SMG7: variants seen among roughly 807,000 people sequenced by gnomAD.
SMG7 encodes the protein SMG7 nonsense mediated mRNA decay factor, also known as nonsense-mediated mRNA decay factor SMG7.
SMG7 carries 34 observed loss-of-function variants against 148.2 expected under a neutral mutation model. That is an observed-to-expected ratio of 0.23 (90% CI 0.17 to 0.31). SMG7 has a LOEUF of 0.31. Ranked by LOEUF, SMG7 falls within the 10% of genes least tolerant of loss-of-function variation. The probability of loss-of-function intolerance (pLI) is 1.00; values close to 1 mark genes in which losing one functional copy is unlikely to be tolerated. For missense variants in SMG7, 1,114 were observed against 1,408.4 expected, an observed-to-expected ratio of 0.79 and a Z score of 3.35; for synonymous variants, 492 against 515.1, an observed-to-expected ratio of 0.96 and a Z score of 0.61.
At chr1:183,499,535 G>A (rs186281938) in intron 1 of SMG7, among the ~76,000 whole-genome samples, 70 of 152,242 alleles carry the variant, frequency 4.6e-4, no homozygotes, top group Admixed American at 4.5e-3. Flanking sequence ...TGCCATCTGT[G>A]TATCTTCTTT....
At chr1:183,487,188 C>A (rs539779306) in intron 1 of SMG7, among the ~76,000 whole-genome samples, 1 of 152,092 alleles carries the variant, frequency 6.6e-6, no homozygotes, top group Non-Finnish European at 1.5e-5. Flanking sequence ...GGTGCCATTC[C>A]TTCTAGAGTG....
At position 183,552,195 on chromosome 1, in the gene SMG7, T is replaced by G. The variant is rs1298889387; in HGVS notation, c.*264T>G. On this transcript the variant is annotated 3_prime_UTR_variant, in exon 23 of 23. Coordinates refer to ENST00000688051, the MANE Select transcript of SMG7 (RefSeq NM_001375584.1). ...ACTGCTGTTTATCTCACTCAGTTAC[T>G]TGGTATCACCGCCTCTCACCTTCTC... The G allele has an allele frequency of 1.3e-5, 14 of 1,113,366 alleles. No individual in the cohort carries two copies. The South Asian group carries it at 4.2e-4, about 34-fold the overall frequency. The allele number at this position is 1,113,366 out of a possible 1,614,324, so 69.0% of individuals were successfully genotyped here.
At chr1:183,533,384 T>G in intron 9 of SMG7, 58 bp downstream of exon 9, 1 of 1,525,234 alleles carries the variant, frequency 6.6e-7, no homozygotes, top group African/African-American at 1.4e-5. Flanking sequence ...ATCTTAGGCA[T>G]TTCATCGATG....
At chr1:183,482,894 T>A (rs904210214) in intron 1 of SMG7, among the ~76,000 whole-genome samples, 1 of 152,080 alleles carries the variant, frequency 6.6e-6, no homozygotes, top group Non-Finnish European at 1.5e-5. Flanking sequence ...CACCTTGAGA[T>A]AAGGAGGTAG....
chr1:183,475,229 G>A lies in SMG7; in HGVS notation c.29+2580G>A, dbSNP rs142208731. Among the ~76,000 whole-genome samples the A allele has an allele frequency of 1.1e-4, 17 of 152,252 alleles. No individual in the cohort carries two copies. The East Asian group carries it at 2.9e-3, about 26-fold the overall frequency. Reference sequence around the variant, plus strand: ...TGAGGGTACACTGGTGAATAAAAGGGTGAACATGGGAGGATATATTATAGT... The same window carrying A: ...TGAGGGTACACTGGTGAATAAAAGGATGAACATGGGAGGATATATTATAGT... On this transcript the variant is annotated intron_variant, in intron 1 of 22. Coordinates refer to ENST00000688051, the MANE Select transcript of SMG7 (RefSeq NM_001375584.1).
intron 1 of SMG7, among the ~76,000 whole-genome samples, chr1:183,489,985 C>G (rs1053250732): frequency 6.6e-6 from 1 of 152,184 alleles, no homozygotes; most frequent in African/African-American, 2.4e-5. Flanking sequence ...TTTTGAGCCC[C>G]ATCTCAGACC....
chr1:183,515,722 A>G, intron 2 of SMG7, 152 bp from the exon 3 acceptor site: 3 of 409,022 alleles, frequency 7.3e-6, no homozygotes, highest in African/African-American at 6.1e-5. Context: ...TTTGAAATAT[A>G]GTAGTATAAA....
chr1:183,472,607 G>A lies in SMG7; in HGVS notation c.-14G>A, dbSNP rs1446768127. ...CGGAGGCTTCGCGGGAAGACGCGGC[G>A]GCGGCGGCGGAGGATGAGCCTGCAG... On this transcript the variant is annotated 5_prime_UTR_variant, in exon 1 of 23. Coordinates refer to ENST00000688051, the MANE Select transcript of SMG7 (RefSeq NM_001375584.1). The A allele has an allele frequency of 3.5e-6, 5 of 1,444,614 alleles. No individual in the cohort carries two copies. The East Asian group carries it at 1.1e-4, about 32-fold the overall frequency. The allele number at this position is 1,444,614 out of a possible 1,614,324, so 89.5% of individuals were successfully genotyped here. A position where few individuals can be genotyped will look rare whatever the true frequency, so the allele number is the denominator to read the frequency against.
chr1:183,500,640 G>A (rs1659518045), intron 1 of SMG7, among the ~76,000 whole-genome samples: 1 of 152,086 alleles, frequency 6.6e-6, no homozygotes, highest in East Asian at 1.9e-4. Context: ...ATAGATGTGG[G>A]CATTAAGATG....
intron 19 of SMG7, 75 bp from the exon 20 acceptor site, chr1:183,549,689 C>T (rs897261841): frequency 8.3e-6 from 10 of 1,200,326 alleles, no homozygotes; most frequent in Non-Finnish European, 1.1e-5. Flanking sequence ...ACCAAGCATC[C>T]ATGAACAAGA....
At chr1:183,550,670 T>A in intron 20 of SMG7, 81 bp from the exon 21 acceptor site, 1 of 1,347,912 alleles carries the variant, frequency 7.4e-7, no homozygotes, top group Non-Finnish European at 1.0e-6. Flanking sequence ...ATTTTAGTGA[T>A]CAGATCTACA....
rs543613206 is a variant in SMG7, at chr1:183,536,210, A to T, written c.1164-935A>T. Among the ~76,000 whole-genome samples the T allele has an allele frequency of 9.2e-5, 14 of 152,238 alleles. No individual in the cohort carries two copies. The South Asian group carries it at 2.9e-3, about 31-fold the overall frequency. ...GTGATTAGACAGATGAGTCTACTGT[A>T]GGAAAATCAAAGTAATTGTTTCCAG... On this transcript the variant is annotated intron_variant, in intron 10 of 22. Coordinates refer to ENST00000688051, the MANE Select transcript of SMG7 (RefSeq NM_001375584.1).
intron 12 of SMG7, 138 bp downstream of exon 12, chr1:183,538,578 A>G (rs1304571509): frequency 1.0e-5 from 7 of 677,810 alleles, no homozygotes; most frequent in Non-Finnish European, 1.9e-5. Flanking sequence ...TAATACTGAA[A>G]GTTGTTGTGA....
intron 21 of SMG7, 36 bp downstream of exon 21, chr1:183,550,957 A>T: frequency 6.2e-7 from 1 of 1,613,934 alleles, no homozygotes; most frequent in Non-Finnish European, 8.5e-7. Flanking sequence ...CAAAATTGAA[A>T]GAATTTACTC....
intron 1 of SMG7, chr1:183,502,275 T>C: frequency 6.5e-7 from 1 of 1,533,274 alleles, no homozygotes; most frequent in Non-Finnish European, 8.7e-7. Flanking sequence ...CATTCTACCT[T>C]ATGAGAAATT....
intron 4 of SMG7, among the ~76,000 whole-genome samples, chr1:183,523,301 G>A (rs987646736): frequency 2.0e-5 from 3 of 152,186 alleles, no homozygotes; most frequent in African/African-American, 7.2e-5. Flanking sequence ...AACTGTTCTA[G>A]TACTGCTCTA....
At chr1:183,510,031 G>A (rs187483575) in intron 1 of SMG7, among the ~76,000 whole-genome samples, 43 of 152,252 alleles carry the variant, frequency 2.8e-4, no homozygotes, top group African/African-American at 1.0e-3. Flanking sequence ...GTGGATGTTA[G>A]CATACTGAAA....
chr1:183,506,158 C>T (rs193036655), intron 1 of SMG7, among the ~76,000 whole-genome samples: 108 of 152,288 alleles, frequency 7.1e-4, no homozygotes, highest in African/African-American at 2.5e-3. Flanking sequence ...ATAACTCCTT[C>T]TCATCCTTTG....
chr1:183,510,985 C>T (rs779594039), intron 1 of SMG7, among the ~76,000 whole-genome samples: 49 of 150,836 alleles, frequency 3.2e-4, no homozygotes, highest in Non-Finnish European at 4.0e-4. Flanking sequence ...AGCGAGACTC[C>T]GTCTTAAGAA....
Sources: gnomAD v4.1 joint callset for allele counts (sites outside exome capture counted in the v4.1 genomes callset) on GRCh38, gnomAD v4.1.1 for gene constraint, MANE v1.5 for transcripts, NCBI Gene and HGNC (gene_info 2026-07-23, HGNC 2026-07-21) for gene names.